The following PCGF3 variants were observed in gnomAD, a reference collection of about 807,000 sequenced individuals.
PCGF3 encodes polycomb group RING finger protein 3.
PCGF3 carries 7 observed loss-of-function variants against 33.1 expected under a neutral mutation model. That is an observed-to-expected ratio of 0.21 (90% CI 0.12 to 0.40). PCGF3 has a LOEUF of 0.40. Ranked by LOEUF, PCGF3 falls within the 10% of genes least tolerant of loss-of-function variation. PCGF3 has a pLI of 1.00. For missense variants in PCGF3, 211 were observed against 313.3 expected (o/e 0.67, Z 2.46); for synonymous variants, 153 against 121.3 (o/e 1.26, Z -1.72).
chr4:736,806 GTC>G (rs1486018107), intron 5 of PCGF3, among the ~76,000 whole-genome samples: 4 of 145,676 alleles, frequency 2.7e-5, no homozygotes, highest in Admixed American at 2.0e-4. Context: ...AACCTGGGGT[GTC>G]TGCAGGGACA....
exon 11 of PCGF3, chr4:768,733 A>G (rs773104407): frequency 6.6e-6 from 1 of 152,662 alleles, no homozygotes; most frequent in Non-Finnish European, 1.5e-5. Context: ...TAAGCCTTCT[A>G]TCATATTTTC....
chr4:733,522 G>C, intron 3 of PCGF3, 150 bp from the exon 4 acceptor site: 1 of 712,512 alleles, frequency 1.4e-6, no homozygotes. Flanking sequence ...CCTGCACATG[G>C]GAGCCTGGGA....
chr4:760,731 C>A (rs996562223), intron 8 of PCGF3, among the ~76,000 whole-genome samples: 1 of 152,230 alleles, frequency 6.6e-6, no homozygotes, highest in Non-Finnish European at 1.5e-5. Context: ...TGGGCAGATT[C>A]CTTTTCGCAC....
chr4:738,951 C>T (rs1365003807), intron 6 of PCGF3, among the ~76,000 whole-genome samples: 1 of 152,088 alleles, frequency 6.6e-6, no homozygotes, highest in Non-Finnish European at 1.5e-5. Flanking sequence ...GTTTTGTGAC[C>T]ACCACCCCCC....
At chr4:729,841 A>ACTGTACGTCATC (rs1191361740) in intron 1 of PCGF3, among the ~76,000 whole-genome samples, 1 of 152,204 alleles carries the variant, frequency 6.6e-6, no homozygotes, top group Non-Finnish European at 1.5e-5. Flanking sequence ...AGCCACAGAC[A>ACTGTACGTCATC]CTGTACGTCA....
chr4:733,836 C>T (rs1450689612), intron 4 of PCGF3, 47 bp downstream of exon 4: 2 of 1,613,286 alleles, frequency 1.2e-6, no homozygotes, highest in Non-Finnish European at 8.5e-7. Context: ...CCCTTCCCAG[C>T]TCTGTGCTCT....
intron 4 of PCGF3, chr4:734,341 G>A (rs770988745): frequency 4.6e-4 from 665 of 1,437,632 alleles, no homozygotes; most frequent in Non-Finnish European, 5.3e-4. Flanking sequence ...TGGTGTGGAC[G>A]ACCGCTGTGT....
intron 8 of PCGF3, among the ~76,000 whole-genome samples, chr4:760,169 C>G (rs1388483201): frequency 6.6e-6 from 1 of 152,202 alleles, no homozygotes; most frequent in Non-Finnish European, 1.5e-5. Context: ...GTGGGTATTT[C>G]TTGTATTTTG....
chr4:726,411 C>T (rs938726904), intron 1 of PCGF3, among the ~76,000 whole-genome samples: 1 of 152,198 alleles, frequency 6.6e-6, no homozygotes, highest in Non-Finnish European at 1.5e-5. Flanking sequence ...ACACAGCCCA[C>T]GGGGCACAGC....
chr4:762,495 C>T (rs1215658387), intron 9 of PCGF3: 2 of 152,306 alleles, frequency 1.3e-5, no homozygotes, highest in South Asian at 2.1e-4. Context: ...GGGAGGCGCT[C>T]AGGCCGAGGG....
chr4:716,218 G>C (rs1210119840), intron 1 of PCGF3, among the ~76,000 whole-genome samples: 1 of 122,012 alleles, frequency 8.2e-6, no homozygotes, highest in East Asian at 2.9e-4. Context: ...ACTGGGCGTG[G>C]GTGCTGGGAC....
Position 765,127 on chromosome 4 carries a change from C to T in PCGF3, c.681+63C>T, listed in dbSNP as rs187952611. Reference sequence around the variant, plus strand: ...ATGGCAGTGACTTTGCTGTGCATCTCTTATCTAAAATGTTAAATGACTCCA... The same window carrying T: ...ATGGCAGTGACTTTGCTGTGCATCTTTTATCTAAAATGTTAAATGACTCCA... On this transcript the variant is annotated intron_variant, in intron 10 of 10. Transcript: ENST00000362003. 515 of 1,169,558 alleles carry T rather than the reference C, an allele frequency of 4.4e-4. 2 individuals carry two copies. The East Asian group carries it at 0.011, about 26-fold the overall frequency. The allele number at this position is 1,169,558 out of a possible 1,614,324, so 72.4% of individuals were successfully genotyped here.
At position 734,477 on chromosome 4, in the gene PCGF3, G is replaced by A. The variant is rs1050512391; in HGVS notation, c.110-454G>A. On this transcript the variant is annotated intron_variant, in intron 4 of 10. Transcript: ENST00000362003. ...AAATAAAATATTTGCCAATTTGATA[G>A]AATTTTGACTTTAACGTTAATCGTA... 6 of 1,243,530 alleles carry A rather than the reference G, an allele frequency of 4.8e-6. No homozygotes were observed. In the East Asian group the frequency reaches 2.0e-4, roughly 41 times the overall value. The allele number at this position is 1,243,530 out of a possible 1,614,324, so 77.0% of individuals were successfully genotyped here.
chr4:759,884 C>CGG (rs1306126458), intron 8 of PCGF3, among the ~76,000 whole-genome samples: 9 of 126,316 alleles, frequency 7.1e-5, no homozygotes, highest in South Asian at 6.8e-4. Flanking sequence ...TTCCGGACTC[C>CGG]GGGTCTTTCT....
intron 4 of PCGF3, 123 bp downstream of exon 4, chr4:733,912 A>AC: frequency 6.3e-7 from 1 of 1,575,762 alleles, no homozygotes; most frequent in Non-Finnish European, 8.6e-7. Context: ...AGGAACCAGG[A>AC]CCAGGGGCAG....
At chr4:753,783 A>G (rs138990047) in intron 8 of PCGF3, among the ~76,000 whole-genome samples, 1 of 152,166 alleles carries the variant, frequency 6.6e-6, no homozygotes, top group Admixed American at 6.5e-5. Flanking sequence ...CCCCGTCTCT[A>G]CTAAAATACA....
At chr4:748,202 CT>C (rs34436446) in intron 8 of PCGF3, among the ~76,000 whole-genome samples, 34,418 of 146,814 alleles carry the variant, frequency 0.23, 4,383 homozygotes, top group Admixed American at 0.35. Flanking sequence ...GTCTAGAGAA[CT>C]TTTTTTTTTT....
chr4:723,324 G>T (rs899470347), intron 1 of PCGF3, among the ~76,000 whole-genome samples: 2 of 152,250 alleles, frequency 1.3e-5, no homozygotes, highest in African/African-American at 4.8e-5. Context: ...CATTTCGGAG[G>T]CTAGAAGTGG....
intron 8 of PCGF3, among the ~76,000 whole-genome samples, chr4:758,573 C>T (rs1189000018): frequency 3.6e-5 from 5 of 140,716 alleles, no homozygotes; most frequent in African/African-American, 5.4e-5. Context: ...GGTCTTTCCC[C>T]GCACGGCCCC....
Sources: allele counts gnomAD v4.1 joint callset (sites outside exome capture counted in the v4.1 genomes callset), GRCh38; gene constraint gnomAD v4.1.1; transcripts MANE v1.5; gene names NCBI Gene and HGNC (gene_info 2026-07-23, HGNC 2026-07-21).